Variants in MED13L observed in about 807,000 individuals in gnomAD.
MED13L encodes the protein mediator of RNA polymerase II transcription subunit 13-like.
A neutral mutation model predicts 220.9 loss-of-function variants in MED13L; 7 were observed. That is an observed-to-expected ratio of 0.03 (90% CI 0.02 to 0.06). MED13L has a LOEUF of 0.06. Ranked by LOEUF, MED13L falls within the 10% of genes least tolerant of loss-of-function variation. The pLI, the probability that MED13L is intolerant of heterozygous loss-of-function variation, is 1.00. For missense variants in MED13L, 1,965 were observed against 2,760.5 expected (o/e 0.71, Z 6.46); for synonymous variants, 1,011 against 1,015.2 (o/e 1.00, Z 0.08).
At chr12:116,099,858 A>G (rs1872917034) in intron 3 of MED13L, among the ~76,000 whole-genome samples, 1 of 152,232 alleles carries the variant, frequency 6.6e-6, no homozygotes, top group Non-Finnish European at 1.5e-5. Context: ...ACTGCAGGTC[A>G]TATTTCTTCG....
chr12:116,274,841 T>C (rs775132009), intron 1 of MED13L, among the ~76,000 whole-genome samples: 1 of 152,054 alleles, frequency 6.6e-6, no homozygotes, highest in Non-Finnish European at 1.5e-5. Flanking sequence ...AATCAATCCC[T>C]TGGTTTAAAG....
At chr12:116,276,705 ATTT>A in intron 1 of MED13L, 1 of 889,110 alleles carries the variant, frequency 1.1e-6, no homozygotes, top group Non-Finnish European at 1.5e-6. Flanking sequence ...AGCCTTCCAC[ATTT>A]ACGGGGGGAA....
chr12:116,040,096 G>T (rs1056559222), intron 4 of MED13L, among the ~76,000 whole-genome samples: 6 of 152,194 alleles, frequency 3.9e-5, no homozygotes, highest in African/African-American at 1.4e-4. Flanking sequence ...AGCTCTCAGT[G>T]ATATGTCTCC....
chr12:116,081,384 T>C (rs992447170), intron 4 of MED13L, among the ~76,000 whole-genome samples: 1 of 152,202 alleles, frequency 6.6e-6, no homozygotes, highest in African/African-American at 2.4e-5. Flanking sequence ...CTAGTATATC[T>C]AGAAATAACT....
At chr12:116,116,413 G>T (rs1039037345) in intron 2 of MED13L, among the ~76,000 whole-genome samples, 12 of 152,150 alleles carry the variant, frequency 7.9e-5, no homozygotes, top group Non-Finnish European at 1.5e-4. Context: ...GAGGTTCTTG[G>T]AGGGTGGCGC....
chr12:116,024,984 G>A (rs1255890321), intron 4 of MED13L, among the ~76,000 whole-genome samples: 4 of 151,988 alleles, frequency 2.6e-5, no homozygotes, highest in South Asian at 2.1e-4. Context: ...ATTGATTTAC[G>A]TGTCTGTTTT....
intron 1 of MED13L, among the ~76,000 whole-genome samples, chr12:116,258,777 GA>G (rs558738933): frequency 0.21 from 11,862 of 56,094 alleles, 798 homozygotes; most frequent in East Asian, 0.48. Flanking sequence ...CTCCATCTCA[GA>G]AAAAAAAAAA....
intron 4 of MED13L, among the ~76,000 whole-genome samples, chr12:116,053,256 T>C (rs1420915461): frequency 6.6e-6 from 1 of 152,208 alleles, no homozygotes; most frequent in Non-Finnish European, 1.5e-5. Flanking sequence ...ACATAATCCC[T>C]ATCCTTAAGG....
intron 16 of MED13L, among the ~76,000 whole-genome samples, chr12:115,993,314 T>C (rs1003628387): frequency 2.0e-5 from 3 of 152,128 alleles, no homozygotes; most frequent in African/African-American, 7.2e-5. Context: ...AGAATATTTT[T>C]AAAATTTTTT....
intron 14 of MED13L, among the ~76,000 whole-genome samples, chr12:116,001,568 T>C (rs938690574): frequency 1.3e-5 from 2 of 152,194 alleles, no homozygotes; most frequent in African/African-American, 4.8e-5. Flanking sequence ...GCTATTTTCA[T>C]TGTCATTTCT....
intron 4 of MED13L, among the ~76,000 whole-genome samples, chr12:116,025,389 A>G (rs1880327478): frequency 6.6e-6 from 1 of 152,244 alleles, no homozygotes; most frequent in South Asian, 2.1e-4. Context: ...TGATATACCC[A>G]AAGGAAATGA....
intron 5 of MED13L, 73 bp downstream of exon 5, chr12:116,022,383 A>C: frequency 6.3e-7 from 1 of 1,582,522 alleles, no homozygotes; most frequent in Non-Finnish European, 8.7e-7. Flanking sequence ...CTCACCCTGC[A>C]AAACTTTACT....
intron 2 of MED13L, among the ~76,000 whole-genome samples, chr12:116,205,532 GAAA>G (rs34982320): frequency 3.2e-5 from 3 of 94,028 alleles, no homozygotes; most frequent in Non-Finnish European, 2.1e-5. Context: ...CAAAGGAAGA[GAAA>G]AAAAAAAAAA....
chr12:116,155,652 G>A (rs535777866), intron 2 of MED13L, among the ~76,000 whole-genome samples: 11 of 152,002 alleles, frequency 7.2e-5, no homozygotes, highest in South Asian at 2.1e-4. Context: ...TCATTTCACC[G>A]CTGAAGTTAC....
At chr12:116,233,281 T>C (rs1315108153) in intron 2 of MED13L, among the ~76,000 whole-genome samples, 1 of 152,194 alleles carries the variant, frequency 6.6e-6, no homozygotes, top group Non-Finnish European at 1.5e-5. Flanking sequence ...GTATTTTTAA[T>C]TTAAATACAT....
intron 2 of MED13L, among the ~76,000 whole-genome samples, chr12:116,209,835 T>C (rs893807069): frequency 3.9e-5 from 6 of 152,304 alleles, no homozygotes; most frequent in African/African-American, 1.4e-4. Flanking sequence ...AGTGGTCCTA[T>C]TCTGCTCTGT....
intron 2 of MED13L, among the ~76,000 whole-genome samples, chr12:116,175,659 C>T (rs1880000055): frequency 6.6e-6 from 1 of 152,016 alleles, no homozygotes; most frequent in Admixed American, 6.6e-5. Flanking sequence ...TCAGGACGTC[C>T]TTGATGAGGA....
At chr12:116,056,284 TG>T (rs989132171) in intron 4 of MED13L, among the ~76,000 whole-genome samples, 2 of 133,278 alleles carry the variant, frequency 1.5e-5, no homozygotes, top group African/African-American at 4.9e-5. Flanking sequence ...GTTTTTTGTT[TG>T]TTTTTTTTTT....
In MED13L at chr12:116,019,263, G is replaced by C. The variant is rs1183900324; in HGVS notation, c.970C>G (p.Pro324Ala). 4 of 1,613,934 alleles carry C rather than the reference G, an allele frequency of 2.5e-6. No homozygotes were observed. Among genetic ancestry groups the C allele is most frequent in the Non-Finnish European group, 3.4e-6 (4 of 1,179,952 alleles). The stretch of plus-strand genomic sequence containing the variant: ...TCTGGAGAGGTGGGAGGGGTCAGAG[G>C]CATCCCACAGTTACTTGGGTCCTTC... Reference protein sequence around the residue: ...SVKDPSNCGMPLTPPTSPEQA... With the variant: ...SVKDPSNCGMALTPPTSPEQA... Residue 324 changes from proline to alanine, a missense_variant, in exon 7 of 31, where the codon CCT becomes GCT. Coordinates refer to ENST00000281928, the MANE Select transcript of MED13L (RefSeq NM_015335.5).
Sources: gnomAD v4.1 joint callset for allele counts (sites outside exome capture counted in the v4.1 genomes callset) on GRCh38, gnomAD v4.1.1 for gene constraint, MANE v1.5 for transcripts, NCBI Gene and HGNC (gene_info 2026-07-23, HGNC 2026-07-21) for gene names.